Variants in RNASEH1 observed in about 807,000 individuals in gnomAD.
The protein encoded by RNASEH1 is ribonuclease H1, also known as ribonuclease H type II.
A neutral mutation model predicts 34.6 loss-of-function variants in RNASEH1; 27 were observed. That is an observed-to-expected ratio of 0.78 (90% CI 0.58 to 1.08). RNASEH1 has a LOEUF of 1.08. RNASEH1 is among the 50% of genes least tolerant of loss of function. The pLI is 0.00. For missense variants in RNASEH1, 349 were observed against 373.6 expected (o/e 0.93, Z 0.54); for synonymous variants, 162 against 138.4 (o/e 1.17, Z -1.20).
Position 3,545,653 on chromosome 2 carries a change from C to T in RNASEH1, c.*132G>A, listed in dbSNP as rs1326937240. The T allele has an allele frequency of 1.5e-6, 1 of 677,274 alleles. No individual in the cohort carries two copies. The highest frequency in any genetic ancestry group is 1.8e-5 in the African/African-American group (1 of 55,714). The allele number at this position is 677,274 out of a possible 1,614,324, so 42.0% of individuals were successfully genotyped here. On this transcript the variant is annotated 3_prime_UTR_variant, in exon 8 of 8. Coordinates refer to ENST00000315212, the MANE Select transcript of RNASEH1 (RefSeq NM_002936.6). ...CACATGTCACAGAAGGCCACTGTGC[C>T]TGATTCCGTGTGAAAGACGCATCTG... is the stretch of plus-strand genomic sequence containing the variant.
At chr2:3,555,556 G>C (rs572174680) in intron 2 of RNASEH1, among the ~76,000 whole-genome samples, 1 of 152,254 alleles carries the variant, frequency 6.6e-6, no homozygotes, top group East Asian at 1.9e-4. Flanking sequence ...GCTTTGTCCA[G>C]GATTGTTACG....
chr2:3,558,058 C>A, intron 1 of RNASEH1, 75 bp downstream of exon 1: 1 of 1,491,154 alleles, frequency 6.7e-7, no homozygotes, highest in Non-Finnish European at 8.9e-7. Context: ...GCTCCCGCCG[C>A]CGGGGTTAGC....
intron 4 of RNASEH1, among the ~76,000 whole-genome samples, chr2:3,549,434 G>T (rs574011170): frequency 6.6e-6 from 1 of 152,302 alleles, no homozygotes; most frequent in Admixed American, 6.5e-5. Context: ...ACTTCAGATT[G>T]AAACTACTAA....
the RNASEH1 span, among the ~76,000 whole-genome samples, chr2:3,535,603 C>T: frequency 1.3e-5 from 2 of 151,858 alleles, no homozygotes; most frequent in Non-Finnish European, 2.9e-5. Flanking sequence ...CAGTAAGAGC[C>T]GCATGGCTGG....
downstream of RNASEH1, among the ~76,000 whole-genome samples, chr2:3,539,694 T>G (rs1403880118): frequency 1.3e-5 from 2 of 152,198 alleles, no homozygotes; most frequent in African/African-American, 4.8e-5. Context: ...GAATGTCAGC[T>G]CATCACGTTA....
chr2:3,533,369 T>A, the RNASEH1 span: 1 of 152,292 alleles, frequency 6.6e-6, no homozygotes, highest in African/African-American at 2.4e-5. Context: ...CAGCACTGGC[T>A]GATTTCTGCG....
At position 3,558,307 on chromosome 2, in the gene RNASEH1, G is replaced by C. The variant is rs193029238; in HGVS notation, c.-47C>G. On this transcript the variant is annotated 5_prime_UTR_variant, in exon 1 of 8. Coordinates refer to ENST00000315212, the MANE Select transcript of RNASEH1 (RefSeq NM_002936.6). ...AGCATTTCGACTCCCGGCCCAGCGTGGGCGCGAGCCGCCGGCGCTCAACAC... is the reference window on the plus strand; with the variant it reads ...AGCATTTCGACTCCCGGCCCAGCGTCGGCGCGAGCCGCCGGCGCTCAACAC... 20 of 1,485,056 alleles carry C rather than the reference G, an allele frequency of 1.3e-5. No homozygotes were observed. Among genetic ancestry groups the C allele is most frequent in the Non-Finnish European group, 1.8e-5 (20 of 1,121,444 alleles). 92.0% of individuals were successfully genotyped at this position (1,485,056 alleles called of 1,614,324 possible).
intron 2 of RNASEH1, among the ~76,000 whole-genome samples, chr2:3,553,888 G>T (rs954482277): frequency 6.6e-6 from 1 of 152,146 alleles, no homozygotes; most frequent in African/African-American, 2.4e-5. Context: ...GTAAAACGAG[G>T]CCCTGGGCTA....
the RNASEH1 span, chr2:3,532,451 C>T: frequency 1.5e-6 from 1 of 676,412 alleles, no homozygotes; most frequent in Non-Finnish European, 2.7e-6. Context: ...CGTTACTCAG[C>T]CTCGCATCCC....
At chr2:3,554,613 G>GTC (rs1206496346) in intron 2 of RNASEH1, among the ~76,000 whole-genome samples, 1 of 152,206 alleles carries the variant, frequency 6.6e-6, no homozygotes, top group Admixed American at 6.5e-5. Context: ...TGACTAGGAG[G>GTC]TCTCTAAAGT....
At position 3,543,805 on chromosome 2, in the gene RNASEH1, G is replaced by A. The variant is rs973905640; in HGVS notation, c.*1980C>T. Among the ~76,000 whole-genome samples the A allele has an allele frequency of 3.3e-5, 5 of 151,912 alleles. No homozygotes were observed. The South Asian group carries it at 6.2e-4, about 19-fold the overall frequency. ...TTATTTTAATTTTCTGTAGAGACAG[G>A]GTGTCACTATGTTGCCCAGACTAGT... On this transcript the variant is annotated 3_prime_UTR_variant, in exon 8 of 8. Coordinates refer to ENST00000315212, the MANE Select transcript of RNASEH1 (RefSeq NM_002936.6).
At position 3,558,157 on chromosome 2, in the gene RNASEH1, C is replaced by A. The variant is rs761632461; in HGVS notation, c.104G>T (p.Arg35Leu). ...CCAGGTCAGAAAGACCCCGGTCTTGCGGCCCCTCCTCACGGCATAGAACAT... is the reference window on the plus strand; with the variant it reads ...CCAGGTCAGAAAGACCCCGGTCTTGAGGCCCCTCCTCACGGCATAGAACAT... Reference protein sequence around the residue: ...FGMFYAVRRGRKTGVFLTWNE... With the variant: ...FGMFYAVRRGLKTGVFLTWNE... The change falls in exon 1 of 8, where the codon CGC (arginine) becomes CTC (leucine). Residue 35 changes from arginine (R) to leucine (L), a missense_variant. Coordinates refer to ENST00000315212, the MANE Select transcript of RNASEH1 (RefSeq NM_002936.6). 4 of 1,601,378 alleles carry A rather than the reference C, an allele frequency of 2.5e-6. No homozygotes were observed. The highest frequency in any genetic ancestry group is 1.1e-5 in the South Asian group (1 of 89,626).
downstream of RNASEH1, among the ~76,000 whole-genome samples, chr2:3,537,469 C>A (rs10153783): frequency 5.3e-5 from 8 of 152,026 alleles, no homozygotes; most frequent in South Asian, 1.7e-3. Context: ...ATGGCTCTAA[C>A]CCCAGCGTGT....
At chr2:3,534,990 C>T in the RNASEH1 span, among the ~76,000 whole-genome samples, 3 of 152,164 alleles carry the variant, frequency 2.0e-5, no homozygotes, top group Admixed American at 6.6e-5. Context: ...ACAGTGCTGC[C>T]AGGGGCTGGG....
chr2:3,547,461 C>T (rs575157232), intron 7 of RNASEH1, among the ~76,000 whole-genome samples: 1 of 151,640 alleles, frequency 6.6e-6, no homozygotes, highest in Non-Finnish European at 1.5e-5. Flanking sequence ...AGATGTGAAC[C>T]ACTGAGCCCA....
In RNASEH1 at chr2:3,552,331, T is replaced by C. The variant is rs1482818021; in HGVS notation, c.245-23A>G. ...GCCCTGAAAGACAAGAGTCCACTCGTGAGCTGGAAACAATGAACATAACAC... is the reference window on the plus strand; with the variant it reads ...GCCCTGAAAGACAAGAGTCCACTCGCGAGCTGGAAACAATGAACATAACAC... On this transcript the variant is annotated intron_variant, in intron 2 of 7. Coordinates refer to ENST00000315212, the MANE Select transcript of RNASEH1 (RefSeq NM_002936.6). The C allele has an allele frequency of 2.5e-6, 4 of 1,607,686 alleles. No homozygotes were observed. The East Asian group carries it at 8.9e-5, about 36-fold the overall frequency.
chr2:3,548,588 T>C (rs1558450912), intron 6 of RNASEH1, 52 bp downstream of exon 6: 7 of 1,264,786 alleles, frequency 5.5e-6, no homozygotes, highest in South Asian at 3.6e-5. Context: ...CTCCTACCAA[T>C]TTCCCTTCAC....
chr2:3,550,537 A>G, intron 3 of RNASEH1, 65 bp from the exon 4 acceptor site: 1 of 1,204,308 alleles, frequency 8.3e-7, no homozygotes, highest in Non-Finnish European at 1.2e-6. Context: ...CACCTCAAAA[A>G]TCCACTAGGT....
intron 1 of RNASEH1, chr2:3,557,858 G>A (rs866657569): frequency 6.9e-7 from 1 of 1,451,070 alleles, no homozygotes; most frequent in South Asian, 1.2e-5. Flanking sequence ...AACAAAGATG[G>A]AGGATTAAAC....
Sources: gnomAD v4.1 joint callset for allele counts (sites outside exome capture counted in the v4.1 genomes callset) on GRCh38, gnomAD v4.1.1 for gene constraint, MANE v1.5 for transcripts, NCBI Gene and HGNC (gene_info 2026-07-23, HGNC 2026-07-21) for gene names.